Variants in CHIC2 observed in about 807,000 individuals in gnomAD.
CHIC2 encodes cysteine rich hydrophobic domain 2, also known as cysteine-rich hydrophobic domain-containing protein 2.
A neutral mutation model predicts 25.9 loss-of-function variants in CHIC2; 14 were observed. The observed-to-expected ratio is 0.54, with a 90% CI of 0.36 to 0.85. The LOEUF (loss-of-function observed/expected upper bound fraction) is 0.85, where lower values mean the gene tolerates loss of function less well. CHIC2 is among the 40% of genes least tolerant of loss of function. The pLI is 0.01. For missense variants in CHIC2, 146 were observed against 202.0 expected (o/e 0.72, Z 1.68); for synonymous variants, 70 against 72.0 (o/e 0.97, Z 0.14).
intron 5 of CHIC2, among the ~76,000 whole-genome samples, chr4:54,012,072 A>G (rs754549048): frequency 1.4e-4 from 22 of 151,970 alleles, no homozygotes; most frequent in Admixed American, 5.9e-4. Context: ...ATATATATAT[A>G]TACTCTAAGA....
the CHIC2 span, among the ~76,000 whole-genome samples, chr4:54,070,896 C>G: frequency 3.9e-5 from 6 of 152,124 alleles, no homozygotes; most frequent in African/African-American, 1.4e-4. Flanking sequence ...TTAAGCTGAC[C>G]ATATCTCCAG....
At chr4:54,028,877 C>A (rs1369568733) in intron 3 of CHIC2, among the ~76,000 whole-genome samples, 2 of 152,196 alleles carry the variant, frequency 1.3e-5, no homozygotes, top group Admixed American at 1.3e-4. Flanking sequence ...GTAATCCCAG[C>A]ACTTTGGGGG....
chr4:54,081,052 T>C, the CHIC2 span, among the ~76,000 whole-genome samples: 1 of 150,400 alleles, frequency 6.6e-6, no homozygotes, highest in East Asian at 2.0e-4. Flanking sequence ...ATACAAATTT[T>C]ATTTGATTAA....
chr4:54,082,522 C>G, the CHIC2 span, among the ~76,000 whole-genome samples: 2 of 152,214 alleles, frequency 1.3e-5, no homozygotes, highest in Non-Finnish European at 2.9e-5. Context: ...ATCAGGATTT[C>G]CCTACTCCAC....
intron 3 of CHIC2, among the ~76,000 whole-genome samples, chr4:54,045,551 CAT>C (rs1237136424): frequency 4.6e-5 from 7 of 152,040 alleles, no homozygotes; most frequent in African/African-American, 1.7e-4. Context: ...ACAAAAACCA[CAT>C]GATTATCTCA....
the CHIC2 span, among the ~76,000 whole-genome samples, chr4:54,077,562 A>G: frequency 6.6e-6 from 1 of 152,216 alleles, no homozygotes; most frequent in Non-Finnish European, 1.5e-5. Flanking sequence ...AGTTCACACT[A>G]TCTATGCACC....
rs760802925 is a variant in CHIC2, at chr4:54,064,162, C to T, written c.119+20G>A. 1 of 1,587,986 alleles carries T rather than the reference C, an allele frequency of 6.3e-7. No homozygotes were observed. The highest frequency in any genetic ancestry group is 1.8e-5 in the Admixed American group (1 of 56,846). ...CACCCCAGCCCGCACCTCCCGCCCT[C>T]GCCCTCCTCCGGGCCTTACACGGTG... On this transcript the variant is annotated intron_variant, in intron 1 of 5. Coordinates refer to ENST00000263921, the MANE Select transcript of CHIC2 (RefSeq NM_012110.4). This position sits in a 1 kb window ranked among gnomAD's most constrained non-coding sequence, Gnocchi z 4.2.
Position 54,030,641 on chromosome 4 carries a change from T to A in CHIC2, c.331-16522A>T, listed in dbSNP as rs1716201446. On this transcript the variant is annotated intron_variant, in intron 3 of 5. Transcript: ENST00000263921. ...ATAAATATATATACACACATATATATATGTTTATATTTACTAAAATGCTAA... is the reference window on the plus strand; with the variant it reads ...ATAAATATATATACACACATATATAAATGTTTATATTTACTAAAATGCTAA... Among the ~76,000 whole-genome samples the A allele has an allele frequency of 2.0e-5, 3 of 147,764 alleles. No homozygotes were observed. The South Asian group carries it at 6.3e-4, about 31-fold the overall frequency.
At position 54,030,633 on chromosome 4, in the gene CHIC2, C is replaced by CAT. The variant is rs530127885; in HGVS notation, c.331-16516_331-16515dup. 2.1e-4 allele frequency among the ~76,000 whole-genome samples: 30 copies of CAT among 145,366 alleles called. No individual in the cohort carries two copies. The East Asian group carries it at 5.1e-3, about 25-fold the overall frequency. On this transcript the variant is annotated intron_variant, in intron 3 of 5. Coordinates refer to ENST00000263921, the MANE Select transcript of CHIC2 (RefSeq NM_012110.4). ...TAAAATATATAAATATATATACACA[C>CAT]ATATATATATGTTTATATTTACTAA... is the stretch of plus-strand genomic sequence containing the variant.
At chr4:54,062,487 A>G (rs910916294) in intron 1 of CHIC2, among the ~76,000 whole-genome samples, 5 of 152,112 alleles carry the variant, frequency 3.3e-5, no homozygotes, top group African/African-American at 1.2e-4. Flanking sequence ...TTTGAAAACC[A>G]CTAATAATTA....
At chr4:54,052,779 T>A (rs1485490851) in intron 1 of CHIC2, among the ~76,000 whole-genome samples, 2 of 152,210 alleles carry the variant, frequency 1.3e-5, no homozygotes, top group African/African-American at 2.4e-5. Context: ...AACTATAAAT[T>A]GTTACAACCA....
At chr4:54,072,094 A>T in the CHIC2 span, among the ~76,000 whole-genome samples, 1 of 152,094 alleles carries the variant, frequency 6.6e-6, no homozygotes, top group Non-Finnish European at 1.5e-5. Flanking sequence ...GGAGTTCTAG[A>T]CCATCCTGGC....
chr4:54,041,778 TA>T (rs1389174371), intron 3 of CHIC2, among the ~76,000 whole-genome samples: 1 of 152,038 alleles, frequency 6.6e-6, no homozygotes, highest in Non-Finnish European at 1.5e-5. Context: ...TAGGCTTCCC[TA>T]AACCATCAAA....
chr4:54,091,515 C>T, the CHIC2 span, among the ~76,000 whole-genome samples: 1 of 152,198 alleles, frequency 6.6e-6, no homozygotes, highest in Non-Finnish European at 1.5e-5. Flanking sequence ...TATTCACACA[C>T]ACCCATGCTC....
intron 3 of CHIC2, among the ~76,000 whole-genome samples, chr4:54,019,386 G>A (rs1417830228): frequency 6.6e-6 from 1 of 152,018 alleles, no homozygotes; most frequent in African/African-American, 2.4e-5. Context: ...GAAGTATCAT[G>A]TGCTATTTGT....
chr4:54,032,521 G>T (rs1478004425), intron 3 of CHIC2, among the ~76,000 whole-genome samples: 2 of 152,162 alleles, frequency 1.3e-5, no homozygotes, highest in African/African-American at 4.8e-5. Flanking sequence ...GCCAGCCTCG[G>T]CCTCCCGAGG....
the CHIC2 span, among the ~76,000 whole-genome samples, chr4:54,085,496 C>G: frequency 4.6e-5 from 7 of 152,170 alleles, no homozygotes; most frequent in Non-Finnish European, 1.0e-4. Flanking sequence ...AATACAATGA[C>G]TAAGACAGTA....
chr4:54,067,736 G>A (rs769797633), upstream of CHIC2, among the ~76,000 whole-genome samples: 6 of 152,148 alleles, frequency 3.9e-5, no homozygotes, highest in African/African-American at 1.4e-4. Flanking sequence ...TTGTTTTTAA[G>A]GCAAATATTG....
chr4:54,038,420 G>A (rs1261090313), intron 3 of CHIC2, among the ~76,000 whole-genome samples: 1 of 152,076 alleles, frequency 6.6e-6, no homozygotes, highest in Middle Eastern at 3.2e-3. Flanking sequence ...AATAAAACAT[G>A]AGCATAATCT....
Sources: gnomAD v4.1 joint callset for allele counts (sites outside exome capture counted in the v4.1 genomes callset) on GRCh38, gnomAD v4.1.1 for gene constraint, Gnocchi (gnomAD v3.1) non-coding constraint, MANE v1.5 for transcripts, NCBI Gene and HGNC (gene_info 2026-07-23, HGNC 2026-07-21) for gene names.